Variants in NCOR1 observed in about 807,000 individuals in gnomAD.
The protein encoded by NCOR1 is protein phosphatase 1, regulatory subunit 109.
A neutral mutation model predicts 288.1 loss-of-function variants in NCOR1; 63 were observed. That is an observed-to-expected ratio of 0.22 (90% CI 0.18 to 0.27). The LOEUF (loss-of-function observed/expected upper bound fraction) is 0.27, where lower values mean the gene tolerates loss of function less well. Among genes scored for constraint, NCOR1 ranks in the 10% least tolerant of loss-of-function variants. The pLI is 1.00. For synonymous variants in NCOR1, 1,007 were observed against 1,065.9 expected, an observed-to-expected ratio of 0.94 and a Z score of 1.08; for missense variants, 2,397 against 3,019.2, an observed-to-expected ratio of 0.79 and a Z score of 4.83.
chr17:16,141,548 C>T (rs1339351426), intron 11 of NCOR1, among the ~76,000 whole-genome samples: 1 of 152,086 alleles, frequency 6.6e-6, no homozygotes, highest in Non-Finnish European at 1.5e-5. Flanking sequence ...ATACTATATA[C>T]TTTTATTTAG....
At chr17:16,172,464 A>G (rs926884315) in intron 3 of NCOR1, among the ~76,000 whole-genome samples, 4 of 152,230 alleles carry the variant, frequency 2.6e-5, no homozygotes, top group African/African-American at 9.6e-5. Flanking sequence ...CTATAAACTA[A>G]TATTTTTAAA....
chr17:16,195,249 T>C (rs1189530525), intron 1 of NCOR1, among the ~76,000 whole-genome samples: 1 of 152,122 alleles, frequency 6.6e-6, no homozygotes, highest in Non-Finnish European at 1.5e-5. Context: ...GGTAGGTGGA[T>C]CACTTGAGGT....
rs141900466 is a variant in NCOR1, at chr17:16,064,447, C to A, written c.5102-260G>T. ...AGACCCTGTCTCTACTAAAAACACA[C>A]AAAAAATTAGCCAGGTGTGGTGGCG... is the stretch of plus-strand genomic sequence containing the variant. On this transcript the variant is annotated intron_variant, in intron 34 of 45. Transcript: ENST00000268712. 2.6e-3 allele frequency among the ~76,000 whole-genome samples: 393 copies of A among 151,442 alleles called. 1 individual carries two copies. The highest frequency in any genetic ancestry group is 0.01 in the Middle Eastern group (3 of 294).
chr17:16,067,820 A>G, intron 32 of NCOR1, 74 bp downstream of exon 32: 1 of 1,384,710 alleles, frequency 7.2e-7, no homozygotes, highest in Non-Finnish European at 9.8e-7. Context: ...TATATTGTAC[A>G]ACAACAGAAA....
chr17:16,177,585 T>C (rs1599982127), intron 3 of NCOR1, among the ~76,000 whole-genome samples: 1 of 152,110 alleles, frequency 6.6e-6, no homozygotes, highest in Non-Finnish European at 1.5e-5. Context: ...TAAATACTGT[T>C]CTATGGCCCG....
intron 29 of NCOR1, 41 bp downstream of exon 29, chr17:16,072,104 G>T: frequency 7.0e-7 from 1 of 1,430,024 alleles, no homozygotes; most frequent in Non-Finnish European, 9.7e-7. Context: ...TTGCCAGGGA[G>T]GCAGTTATAA....
intron 40 of NCOR1, chr17:16,049,230 G>A (rs1450507431): frequency 1.7e-5 from 5 of 286,446 alleles, no homozygotes; most frequent in Non-Finnish European, 2.6e-5. Context: ...CAGGAGTCAC[G>A]TCATCAGACA....
At chr17:16,157,246 C>T (rs979298059) in intron 6 of NCOR1, among the ~76,000 whole-genome samples, 2 of 152,162 alleles carry the variant, frequency 1.3e-5, no homozygotes, top group Admixed American at 1.3e-4. Flanking sequence ...TGGTCACCTC[C>T]TTCCCTTCCT....
chr17:16,211,452 C>T (rs1210251945), intron 1 of NCOR1, among the ~76,000 whole-genome samples: 1 of 151,936 alleles, frequency 6.6e-6, no homozygotes, highest in African/African-American at 2.4e-5. Context: ...AGGTTGGTCT[C>T]AAACTCCTGG....
At chr17:16,201,299 T>C (rs2090767355) in intron 1 of NCOR1, among the ~76,000 whole-genome samples, 1 of 152,160 alleles carries the variant, frequency 6.6e-6, no homozygotes, top group Non-Finnish European at 1.5e-5. Context: ...TGGGTACACA[T>C]ACTCAATAAG....
chr17:16,059,011 T>G (rs1022168927), intron 37 of NCOR1, among the ~76,000 whole-genome samples: 1 of 135,540 alleles, frequency 7.4e-6, no homozygotes, highest in Non-Finnish European at 1.5e-5. Context: ...ATTGTGTCAT[T>G]GCACTCCATT....
rs61215793 is a variant in NCOR1 at position 16,181,211 on chromosome 17, A to ATGTGTGTGTGTGTG, written c.242+5329_242+5342dup. On this transcript the variant is annotated intron_variant, in intron 3 of 45. Coordinates refer to ENST00000268712, the MANE Select transcript of NCOR1 (RefSeq NM_006311.4). ...TGTGTGTGTGTATACATATATATGT[A>ATGTGTGTGTGTGTG]TGTGTGTGTGTGTGTGTGTGTGTGT... Among the ~76,000 whole-genome samples, 1,049 of 139,486 alleles carry ATGTGTGTGTGTGTG rather than the reference A, an allele frequency of 7.5e-3. 12 individuals are homozygous for ATGTGTGTGTGTGTG. Among genetic ancestry groups the ATGTGTGTGTGTGTG allele is most frequent in the East Asian group, 0.026 (117 of 4,450 alleles). 91.5% of individuals were successfully genotyped at this position (139,486 alleles called of 152,430 possible).
rs1971766576 is a variant in NCOR1 at position 16,029,570 on chromosome 17, G to T, written c.*2726C>A. ...TAGGAAGACCTTAATTTAGTTCTGG[G>T]TGCTAAAAAAATCACGTGTAAGGAT... On this transcript the variant is annotated 3_prime_UTR_variant, in exon 46 of 46. Coordinates refer to ENST00000268712, the MANE Select transcript of NCOR1 (RefSeq NM_006311.4). The T allele has an allele frequency of 5.1e-6, 1 of 196,988 alleles. No homozygotes were observed. The highest frequency in any genetic ancestry group is 1.1e-5 in the Non-Finnish European group (1 of 94,350). The allele number at this position is 196,988 out of a possible 1,614,324, so 12.2% of individuals were successfully genotyped here.
intron 4 of NCOR1, among the ~76,000 whole-genome samples, chr17:16,169,749 C>G (rs1258206090): frequency 6.6e-6 from 1 of 152,180 alleles, no homozygotes; most frequent in Non-Finnish European, 1.5e-5. Context: ...TTTTAAGACA[C>G]TTTTCTGCTA....
rs192187028 is a variant in NCOR1, at chr17:16,202,054, T to C, written c.-70-7415A>G. Among the ~76,000 whole-genome samples, 14 of 151,974 alleles carry C rather than the reference T, an allele frequency of 9.2e-5. No individual in the cohort carries two copies. In the East Asian group the frequency reaches 2.5e-3, roughly 27 times the overall value. On this transcript the variant is annotated intron_variant, in intron 1 of 45. Coordinates refer to ENST00000268712, the MANE Select transcript of NCOR1 (RefSeq NM_006311.4). Reference sequence around the variant, plus strand: ...AGCCTGACCAACATGTGAAACCCCATCTCTACCAAAAATACAAAAATTAGC... The same window carrying C: ...AGCCTGACCAACATGTGAAACCCCACCTCTACCAAAAATACAAAAATTAGC...
chr17:16,166,090 A>G (rs1001325177), intron 4 of NCOR1, among the ~76,000 whole-genome samples: 21 of 152,218 alleles, frequency 1.4e-4, no homozygotes, highest in African/African-American at 5.1e-4. Flanking sequence ...TATTTCAGCT[A>G]ATATACACTG....
chr17:16,191,897 G>C (rs983685397), intron 2 of NCOR1: 11 of 151,976 alleles, frequency 7.2e-5, no homozygotes, highest in African/African-American at 2.7e-4. Flanking sequence ...AGGATCCCTT[G>C]AGCCCAATAG....
chr17:16,195,815 T>C (rs530979916), intron 1 of NCOR1, among the ~76,000 whole-genome samples: 1 of 152,216 alleles, frequency 6.6e-6, no homozygotes, highest in Non-Finnish European at 1.5e-5. Context: ...GGTACTGTTA[T>C]ACTCCTGAGT....
chr17:16,072,931 T>C (rs536963634), intron 28 of NCOR1, among the ~76,000 whole-genome samples: 58 of 152,330 alleles, frequency 3.8e-4, no homozygotes, highest in African/African-American at 5.5e-4. Flanking sequence ...TTCAGACACC[T>C]GCCTCTAACC....
Sources: gnomAD v4.1 joint callset for allele counts (sites outside exome capture counted in the v4.1 genomes callset) on GRCh38, gnomAD v4.1.1 for gene constraint, MANE v1.5 for transcripts, NCBI Gene and HGNC (gene_info 2026-07-23, HGNC 2026-07-21) for gene names.